MAML3: variants seen among roughly 807,000 people sequenced by gnomAD.
MAML3 encodes the protein mastermind like transcriptional coactivator 3, also known as mastermind-like protein 3.
MAML3 carries 27 observed loss-of-function variants against 101.9 expected under a neutral mutation model. The ratio of observed to expected loss-of-function variants is 0.27; its 90% CI spans 0.20 to 0.37. The LOEUF is 0.37. MAML3 is among the 10% of genes least tolerant of loss of function. The pLI, the probability that MAML3 is intolerant of heterozygous loss-of-function variation, is 1.00. For synonymous variants in MAML3, 501 were observed against 555.9 expected, an observed-to-expected ratio of 0.90 and a Z score of 1.39; for missense variants, 1,316 against 1,444.9, an observed-to-expected ratio of 0.91 and a Z score of 1.45.
chr4:140,065,893 G>T (rs1316091828), intron 1 of MAML3, among the ~76,000 whole-genome samples: 1 of 152,152 alleles, frequency 6.6e-6, no homozygotes, highest in African/African-American at 2.4e-5. Flanking sequence ...ACCGCTCCTG[G>T]CATGAAGAGG....
At chr4:139,860,750 A>G (rs1731763573) in intron 2 of MAML3, among the ~76,000 whole-genome samples, 1 of 152,080 alleles carries the variant, frequency 6.6e-6, no homozygotes, top group Non-Finnish European at 1.5e-5. Context: ...ACATATACCT[A>G]CAGTATGAGG....
rs566555383 is a variant in MAML3, at chr4:139,843,450, T to C, written c.2079+45907A>G. ...ACAGGGAATTAGAATATTTCCAAAA[T>C]CCTGAACTCAAATCCCAACTTACAC... On this transcript the variant is annotated intron_variant, in intron 2 of 4. Coordinates refer to ENST00000509479, the MANE Select transcript of MAML3 (RefSeq NM_018717.5). Among the ~76,000 whole-genome samples the C allele has an allele frequency of 4.6e-5, 7 of 152,292 alleles. No homozygotes were observed. The East Asian group carries it at 1.4e-3, about 29-fold the overall frequency.
At chr4:139,913,212 A>T (rs1732963230) in intron 1 of MAML3, among the ~76,000 whole-genome samples, 1 of 152,212 alleles carries the variant, frequency 6.6e-6, no homozygotes, top group South Asian at 2.1e-4. Context: ...GAGAAAAAAA[A>T]TCTCAGTATC....
chr4:140,069,984 T>G (rs1489428437), intron 1 of MAML3, among the ~76,000 whole-genome samples: 1 of 151,972 alleles, frequency 6.6e-6, no homozygotes, highest in African/African-American at 2.4e-5. Flanking sequence ...GGTGTGGTGG[T>G]GCACACCTGT....
At chr4:139,983,397 TAGAG>T (rs1490556665) in intron 1 of MAML3, among the ~76,000 whole-genome samples, 1 of 152,206 alleles carries the variant, frequency 6.6e-6, no homozygotes, top group Non-Finnish European at 1.5e-5. Flanking sequence ...TATGTTATAA[TAGAG>T]AGGTAATAGT....
At chr4:139,889,062 C>T in intron 2 of MAML3, 1 of 508,822 alleles carries the variant, frequency 2.0e-6, no homozygotes. Flanking sequence ...GTGACCTCTG[C>T]AGCCTCCCTC....
intron 2 of MAML3, among the ~76,000 whole-genome samples, chr4:139,843,168 GCATCTGTTCCTCCCAAAAGCT>G (rs1299944651): frequency 6.6e-6 from 1 of 152,004 alleles, no homozygotes; most frequent in Non-Finnish European, 1.5e-5. Context: ...ATAACTTATG[GCATCTGTTCCTCCCAAAAGCT>G]CTACGTGTAC....
At chr4:139,755,695 G>C (rs1729634236) in intron 2 of MAML3, among the ~76,000 whole-genome samples, 1 of 152,172 alleles carries the variant, frequency 6.6e-6, no homozygotes, top group South Asian at 2.1e-4. Flanking sequence ...TCAGTATTAA[G>C]TAAACATTGA....
Position 139,889,909 on chromosome 4 carries a change from TTGC to T in MAML3, c.1524_1526del (p.Gln510del), listed in dbSNP as rs58015886. The T allele has an allele frequency of 0.026, 37,480 of 1,459,490 alleles. 1,293 individuals carry two copies. Among genetic ancestry groups the T allele is most frequent in the East Asian group, 0.2 (8,195 of 40,218 alleles). The allele number at this position is 1,459,490 out of a possible 1,614,324, so 90.4% of individuals were successfully genotyped here. On this transcript the variant is annotated inframe_deletion, in exon 2 of 5. Transcript: ENST00000509479. ...AATTTGAAGTCTGATTTGAGTGCTGTTGCTGCTGCTGCTGCTGCTGCTGCTGCT... is the reference window on the plus strand; with the variant it reads ...AATTTGAAGTCTGATTTGAGTGCTGTTGCTGCTGCTGCTGCTGCTGCTGCT...
intron 1 of MAML3, among the ~76,000 whole-genome samples, chr4:140,102,094 A>G (rs1039224457): frequency 5.3e-5 from 8 of 152,192 alleles, no homozygotes; most frequent in Admixed American, 1.3e-4. Context: ...TTTAATGCTA[A>G]GTACTCAGCA....
At chr4:139,761,839 T>C (rs1283572460) in intron 2 of MAML3, among the ~76,000 whole-genome samples, 2 of 151,902 alleles carry the variant, frequency 1.3e-5, no homozygotes, top group Non-Finnish European at 2.9e-5. Context: ...GGGAGAGTTT[T>C]CTCCGGGAGT....
In MAML3 at chr4:139,890,247, C is replaced by G. The variant is rs1005970053; in HGVS notation, c.1189G>C (p.Val397Leu). The change falls in exon 2 of 5, where the codon GTT becomes CTT. Residue 397 changes from valine (V) to leucine (L), a missense_variant. Transcript: ENST00000509479. The surrounding 1 kb of genome is among the most constrained non-coding windows in gnomAD (Gnocchi z 4.1). ...TVSTATSLPSVASTPAAPNPA... is the reference protein window; with the variant it reads ...TVSTATSLPSLASTPAAPNPA... ...TTTGGAGCTGCGGGAGTGCTGGCAACAGAAGGTAAACTAGTGGCCGTGGAG... is the reference window on the plus strand; with the variant it reads ...TTTGGAGCTGCGGGAGTGCTGGCAAGAGAAGGTAAACTAGTGGCCGTGGAG... The G allele has an allele frequency of 2.5e-6, 4 of 1,613,602 alleles. No individual in the cohort carries two copies. The highest frequency in any genetic ancestry group is 3.4e-6 in the Non-Finnish European group (4 of 1,179,878).
intron 1 of MAML3, among the ~76,000 whole-genome samples, chr4:139,940,547 C>T (rs1733581466): frequency 6.6e-6 from 1 of 152,142 alleles, no homozygotes; most frequent in Non-Finnish European, 1.5e-5. Flanking sequence ...AGAAGGCATT[C>T]AATAAACAGT....
intron 1 of MAML3, among the ~76,000 whole-genome samples, chr4:139,991,253 C>G (rs986253393): frequency 6.6e-6 from 1 of 152,170 alleles, no homozygotes; most frequent in Non-Finnish European, 1.5e-5. Context: ...AGTCGCGTAT[C>G]TACAACTATC....
At chr4:140,016,272 G>T (rs1327736007) in intron 1 of MAML3, among the ~76,000 whole-genome samples, 1 of 152,008 alleles carries the variant, frequency 6.6e-6, no homozygotes, top group Admixed American at 6.6e-5. Flanking sequence ...AAATTCTGAT[G>T]AAAAAAACCA....
intron 1 of MAML3, among the ~76,000 whole-genome samples, chr4:139,891,835 A>G (rs1732505865): frequency 1.3e-5 from 2 of 152,108 alleles, no homozygotes; most frequent in Non-Finnish European, 2.9e-5. Context: ...TGATAGGCTC[A>G]CTCTTTTCTA....
At chr4:140,084,688 G>A (rs954978189) in intron 1 of MAML3, among the ~76,000 whole-genome samples, 15 of 151,910 alleles carry the variant, frequency 9.9e-5, no homozygotes, top group Non-Finnish European at 2.1e-4. Context: ...AAAATGAAAC[G>A]ACTCATAAAC....
chr4:140,030,520 T>A (rs1560871679), intron 1 of MAML3, among the ~76,000 whole-genome samples: 1 of 152,178 alleles, frequency 6.6e-6, no homozygotes, highest in Non-Finnish European at 1.5e-5. Flanking sequence ...CTCACCTCCA[T>A]CCACCTCCTC....
intron 2 of MAML3, among the ~76,000 whole-genome samples, chr4:139,801,643 GGT>G (rs755484864): frequency 0.26 from 7,974 of 30,528 alleles, 244 homozygotes; most frequent in Middle Eastern, 0.41. Flanking sequence ...GGTGTGTGTG[GGT>G]GTGTGTGTGT....
Sources: allele counts gnomAD v4.1 joint callset (sites outside exome capture counted in the v4.1 genomes callset), GRCh38; gene constraint gnomAD v4.1.1; non-coding constraint Gnocchi (gnomAD v3.1); transcripts MANE v1.5; gene names NCBI Gene and HGNC (gene_info 2026-07-23, HGNC 2026-07-21).